The following FRAS1 variants were observed in gnomAD, a reference collection of about 807,000 sequenced individuals.
The protein encoded by FRAS1 is Fraser extracellular matrix complex subunit 1.
FRAS1 carries 290 observed loss-of-function variants against 435.2 expected under a neutral mutation model. That is an observed-to-expected ratio of 0.67 (90% CI 0.61 to 0.73). The LOEUF (loss-of-function observed/expected upper bound fraction) is 0.73, where lower values mean the gene tolerates loss of function less well. Among genes scored for constraint, FRAS1 ranks in the 30% least tolerant of loss-of-function variants. The probability of loss-of-function intolerance (pLI) is 0.00; values close to 1 mark genes in which losing one functional copy is unlikely to be tolerated. For synonymous variants in FRAS1, 1,800 were observed against 1,851.0 expected (o/e 0.97, Z 0.71); for missense variants, 4,860 against 5,001.5 (o/e 0.97, Z 0.85).
In FRAS1 at chr4:78,458,906, A is replaced by ATC. The variant is rs1383363817; in HGVS notation, c.6764-5114_6764-5113insCT. The stretch of plus-strand genomic sequence containing the variant: ...TGTATTACTGGCCTATGTGACTCAT[A>ATC]TAGAGCAGAAAGAAAGCATTTAACA... On this transcript the variant is annotated intron_variant, in intron 47 of 73. Coordinates refer to ENST00000512123, the MANE Select transcript of FRAS1 (RefSeq NM_025074.7). Among the ~76,000 whole-genome samples, 18 of 152,370 alleles carry ATC rather than the reference A, an allele frequency of 1.2e-4. No homozygotes were observed. The East Asian group carries it at 3.1e-3, about 26-fold the overall frequency.
intron 15 of FRAS1, among the ~76,000 whole-genome samples, chr4:78,312,853 GAA>G (rs1353015791): frequency 6.9e-4 from 56 of 81,024 alleles, no homozygotes; most frequent in African/African-American, 3.3e-3. Context: ...AAGAAAGAAA[GAA>G]AGAAAGAGAG....
intron 15 of FRAS1, among the ~76,000 whole-genome samples, chr4:78,311,641 T>C (rs1049815636): frequency 6.6e-6 from 1 of 152,236 alleles, no homozygotes; most frequent in African/African-American, 2.4e-5. Context: ...GACCAAGTAG[T>C]GCCGGGTTAC....
At position 78,116,098 on chromosome 4, in the gene FRAS1, A is replaced by C. The variant is rs375576758; in HGVS notation, c.108+50082A>C. Among the ~76,000 whole-genome samples, 14 of 152,204 alleles carry C rather than the reference A, an allele frequency of 9.2e-5. 1 individual carries two copies. Among genetic ancestry groups the C allele is most frequent in the South Asian group, 6.2e-4 (3 of 4,824 alleles). On this transcript the variant is annotated intron_variant, in intron 2 of 73. Coordinates refer to ENST00000512123, the MANE Select transcript of FRAS1 (RefSeq NM_025074.7). ...TCATTTCATTATGTACCCAGTAGTC[A>C]TTCAGGAGCAGGTTATTCATTTTCC... is the stretch of plus-strand genomic sequence containing the variant.
At chr4:78,519,277 G>A in intron 66 of FRAS1, 54 bp from the exon 67 acceptor site, 3 of 1,431,246 alleles carry the variant, frequency 2.1e-6, no homozygotes, top group Non-Finnish European at 2.8e-6. Flanking sequence ...GTGATAGTAT[G>A]TCTTTTCATC....
At chr4:78,341,974 C>T (rs931277) in intron 20 of FRAS1, among the ~76,000 whole-genome samples, 4,642 of 152,274 alleles carry the variant, frequency 0.03, 85 homozygotes, top group African/African-American at 0.049. Context: ...TTGCCTCAGT[C>T]AGGTCATAGT....
intron 2 of FRAS1, among the ~76,000 whole-genome samples, chr4:78,144,146 A>G (rs1234143993): frequency 6.6e-6 from 1 of 152,002 alleles, no homozygotes; most frequent in Non-Finnish European, 1.5e-5. Flanking sequence ...TAAAATATAC[A>G]TATAAATAAA....
In FRAS1 at chr4:78,441,197, C is replaced by T. The variant is rs777341940; in HGVS notation, c.5565C>T (p.His1855=). ...DEGGRAPLSF[H]HFFATDDDDN... is the part of the protein sequence containing the mutation. ...GAGGGAGAGCACCACTCTCATTTCA[C>T]CATTTTTTTGCTACTGATGATGATG... The change falls in exon 41 of 74, where the codon CAC becomes CAT. Residue 1855 remains histidine, a synonymous_variant. Coordinates refer to ENST00000512123, the MANE Select transcript of FRAS1 (RefSeq NM_025074.7). 1.9e-6 allele frequency: 3 copies of T among 1,613,806 alleles called. No homozygotes were observed. The highest frequency in any genetic ancestry group is 1.1e-5 in the South Asian group (1 of 91,056).
chr4:78,170,156 C>G (rs565895003), intron 2 of FRAS1, among the ~76,000 whole-genome samples: 6 of 152,238 alleles, frequency 3.9e-5, no homozygotes, highest in Admixed American at 3.9e-4. Flanking sequence ...TTTAAAGCAA[C>G]TAATTCGTTT....
At chr4:78,509,594 A>G (rs1720967839) in intron 63 of FRAS1, among the ~76,000 whole-genome samples, 1 of 152,210 alleles carries the variant, frequency 6.6e-6, no homozygotes, top group African/African-American at 2.4e-5. Flanking sequence ...ACAAAGCTCT[A>G]TGGGAGGCCA....
chr4:78,286,853 G>A (rs1251948533), intron 14 of FRAS1, among the ~76,000 whole-genome samples: 1 of 152,024 alleles, frequency 6.6e-6, no homozygotes. Context: ...CTCTTGAGGT[G>A]GGAGTAGTCA....
At chr4:78,302,145 A>T (rs1189063142) in intron 14 of FRAS1, among the ~76,000 whole-genome samples, 1 of 149,882 alleles carries the variant, frequency 6.7e-6, no homozygotes, top group African/African-American at 2.5e-5. Flanking sequence ...GAGAATGATG[A>T]TTTCCAATTT....
chr4:78,220,625 G>A (rs948465617), intron 2 of FRAS1, among the ~76,000 whole-genome samples: 1 of 152,150 alleles, frequency 6.6e-6, no homozygotes, highest in African/African-American at 2.4e-5. Context: ...AATTTCTCAT[G>A]TTCTGTATAA....
rs1031850976 is a variant in FRAS1, at chr4:78,187,665, A to T, written c.109-49845A>T. Among the ~76,000 whole-genome samples the T allele has an allele frequency of 5.3e-5, 8 of 151,926 alleles. No homozygotes were observed. In the South Asian group the frequency reaches 1.7e-3, roughly 32 times the overall value. On this transcript the variant is annotated intron_variant, in intron 2 of 73. Transcript: ENST00000512123. ...GTTGCCCAGGCTGGAGTGCAGTGGCAAGATCTCAGCTCACTGCAACCTCCG... is the reference window on the plus strand; with the variant it reads ...GTTGCCCAGGCTGGAGTGCAGTGGCTAGATCTCAGCTCACTGCAACCTCCG...
chr4:78,458,433 T>A (rs1006337749), intron 47 of FRAS1, among the ~76,000 whole-genome samples: 2 of 152,214 alleles, frequency 1.3e-5, no homozygotes, highest in Non-Finnish European at 2.9e-5. Flanking sequence ...ACAATTTCTC[T>A]TATTAAAAAT....
At chr4:78,237,872 T>G (rs1044059131) in intron 3 of FRAS1, among the ~76,000 whole-genome samples, 4 of 152,220 alleles carry the variant, frequency 2.6e-5, no homozygotes, top group African/African-American at 9.7e-5. Context: ...GCTTAAGGTC[T>G]TAATAATGTT....
At chr4:78,149,049 G>T (rs1720537052) in intron 2 of FRAS1, among the ~76,000 whole-genome samples, 1 of 152,156 alleles carries the variant, frequency 6.6e-6, no homozygotes, top group Admixed American at 6.5e-5. Flanking sequence ...TTTATGTGCT[G>T]AATAAAGCAA....
chr4:78,377,332 A>G (rs1578284762), intron 26 of FRAS1, among the ~76,000 whole-genome samples: 1 of 152,180 alleles, frequency 6.6e-6, no homozygotes, highest in East Asian at 1.9e-4. Context: ...TGAAAACCCT[A>G]AGTACTTGAG....
At chr4:78,457,737 A>G (rs1560739416) in intron 47 of FRAS1, among the ~76,000 whole-genome samples, 1 of 152,206 alleles carries the variant, frequency 6.6e-6, no homozygotes, top group Non-Finnish European at 1.5e-5. Context: ...TTTCTTGCTA[A>G]GAGTTAACTT....
intron 2 of FRAS1, among the ~76,000 whole-genome samples, chr4:78,125,772 G>A (rs565740619): frequency 3.3e-5 from 5 of 152,258 alleles, no homozygotes; most frequent in African/African-American, 9.6e-5. Context: ...GAGGGCACCC[G>A]CCTGTTTGAG....
Sources: allele counts gnomAD v4.1 joint callset (sites outside exome capture counted in the v4.1 genomes callset), GRCh38; gene constraint gnomAD v4.1.1; transcripts MANE v1.5; gene names NCBI Gene and HGNC (gene_info 2026-07-23, HGNC 2026-07-21).